Variants in CGRRF1 observed in about 807,000 individuals in gnomAD.
CGRRF1 encodes cell growth regulator with ring finger domain 1.
CGRRF1 carries 32 observed loss-of-function variants against 37.2 expected under a neutral mutation model. That is an observed-to-expected ratio of 0.86 (90% CI 0.65 to 1.16). The LOEUF (loss-of-function observed/expected upper bound fraction) is 1.16, where lower values mean the gene tolerates loss of function less well. Among genes scored for constraint, CGRRF1 ranks in the 50% most tolerant of loss-of-function variants. CGRRF1 has a pLI of 0.00. For missense variants in CGRRF1, 391 were observed against 382.6 expected, an observed-to-expected ratio of 1.02 and a Z score of -0.18; for synonymous variants, 141 against 140.3, an observed-to-expected ratio of 1.00 and a Z score of -0.04.
At chr14:54,530,250 A>G in intron 3 of CGRRF1, 24 bp downstream of exon 3, 1 of 1,543,710 alleles carries the variant, frequency 6.5e-7, no homozygotes. Context: ...TGATATACCC[A>G]TTAGCACTGA....
intron 2 of CGRRF1, among the ~76,000 whole-genome samples, chr14:54,524,143 C>T (rs1028871694): frequency 2.6e-5 from 4 of 152,138 alleles, no homozygotes; most frequent in African/African-American, 9.7e-5. Context: ...GCACTTTTGA[C>T]CCCCAGCAGT....
At chr14:54,525,724 C>A (rs1168385293) in intron 2 of CGRRF1, among the ~76,000 whole-genome samples, 1 of 152,086 alleles carries the variant, frequency 6.6e-6, no homozygotes, top group Non-Finnish European at 1.5e-5. Flanking sequence ...GTTTAAAAAT[C>A]TTTTTTTCAC....
At chr14:54,527,167 G>A (rs1169025784) in intron 2 of CGRRF1, among the ~76,000 whole-genome samples, 1 of 151,878 alleles carries the variant, frequency 6.6e-6, no homozygotes, top group Non-Finnish European at 1.5e-5. Flanking sequence ...TGTCATGTGT[G>A]TACTGAGTTT....
At chr14:54,513,483 T>C (rs1197313237) in intron 1 of CGRRF1, among the ~76,000 whole-genome samples, 1 of 152,222 alleles carries the variant, frequency 6.6e-6, no homozygotes, top group African/African-American at 2.4e-5. Context: ...CGGTCAAGTC[T>C]TAGAGAATCA....
At chr14:54,533,006 A>G (rs1049714460) in intron 4 of CGRRF1, among the ~76,000 whole-genome samples, 3 of 151,854 alleles carry the variant, frequency 2.0e-5, no homozygotes, top group Non-Finnish European at 4.4e-5. Flanking sequence ...GTTCAGCACA[A>G]AAGGATCAGA....
At chr14:54,524,406 G>T (rs2032376859) in intron 2 of CGRRF1, among the ~76,000 whole-genome samples, 1 of 144,100 alleles carries the variant, frequency 6.9e-6, no homozygotes. Flanking sequence ...TTTTTTTCGA[G>T]ACAGGCTCTT....
chr14:54,533,692 C>T (rs923390503), intron 4 of CGRRF1, among the ~76,000 whole-genome samples: 2 of 151,338 alleles, frequency 1.3e-5, no homozygotes, highest in Admixed American at 1.3e-4. Flanking sequence ...TTAGGTAGTA[C>T]AGTTAGGAAC....
intron 1 of CGRRF1, among the ~76,000 whole-genome samples, chr14:54,521,597 C>T (rs528289751): frequency 1.5e-4 from 23 of 151,842 alleles, no homozygotes; most frequent in African/African-American, 4.3e-4. Context: ...CTCTGCCTTC[C>T]GGGTTCAAGC....
chr14:54,531,179 A>G (rs2032509452), intron 4 of CGRRF1, 129 bp downstream of exon 4: 2 of 715,464 alleles, frequency 2.8e-6, no homozygotes, highest in South Asian at 4.1e-5. Flanking sequence ...ACAACTATAT[A>G]CCTATTTGGT....
At chr14:54,533,687 TA>T (rs2140066507) in intron 4 of CGRRF1, among the ~76,000 whole-genome samples, 1 of 152,166 alleles carries the variant, frequency 6.6e-6, no homozygotes, top group South Asian at 2.1e-4. Flanking sequence ...TATATTTAGG[TA>T]GTACAGTTAG....
At chr14:54,521,980 C>G (rs1221649063) in intron 1 of CGRRF1, among the ~76,000 whole-genome samples, 2 of 152,140 alleles carry the variant, frequency 1.3e-5, no homozygotes, top group Non-Finnish European at 2.9e-5. Context: ...GTTGATTCAG[C>G]CAGCTGAACA....
chr14:54,535,422 T>A (rs1176563594), intron 4 of CGRRF1, among the ~76,000 whole-genome samples: 2 of 151,090 alleles, frequency 1.3e-5, no homozygotes, highest in African/African-American at 4.9e-5. Context: ...ATTCTCATTT[T>A]GTTTGTCTGA....
chr14:54,513,340 C>T (rs984826057), intron 1 of CGRRF1, among the ~76,000 whole-genome samples: 1 of 152,172 alleles, frequency 6.6e-6, no homozygotes, highest in Non-Finnish European at 1.5e-5. Flanking sequence ...GTGGCTAAAG[C>T]GCTTGACTGT....
chr14:54,538,036 C>A, intron 5 of CGRRF1, 27 bp from the exon 6 acceptor site: 1 of 1,526,442 alleles, frequency 6.6e-7, no homozygotes, highest in Non-Finnish European at 8.8e-7. Flanking sequence ...TTATAATAAT[C>A]TTTAAATTTA....
At chr14:54,527,819 T>C (rs2032439922) in intron 2 of CGRRF1, among the ~76,000 whole-genome samples, 1 of 151,888 alleles carries the variant, frequency 6.6e-6, no homozygotes, top group Non-Finnish European at 1.5e-5. Context: ...AATGTAGTGG[T>C]GTGATCATGG....
chr14:54,510,104 C>T (rs375682131), intron 1 of CGRRF1, 41 bp downstream of exon 1: 14 of 1,473,504 alleles, frequency 9.5e-6, no homozygotes, highest in Non-Finnish European at 1.2e-5. Flanking sequence ...GCGGATACCG[C>T]CAGAGTGGGG....
At chr14:54,521,329 C>T (rs1221287043) in intron 1 of CGRRF1, among the ~76,000 whole-genome samples, 5 of 151,544 alleles carry the variant, frequency 3.3e-5, no homozygotes, top group African/African-American at 1.2e-4. Flanking sequence ...GGCATGGTGG[C>T]ACATGCCTGT....
chr14:54,526,691 G>A (rs374069569), intron 2 of CGRRF1, among the ~76,000 whole-genome samples: 1 of 152,208 alleles, frequency 6.6e-6, no homozygotes, highest in East Asian at 1.9e-4. Context: ...TCTGCTTTTT[G>A]TAAATAGCTT....
Position 54,530,903 on chromosome 14 carries a change from T to C in CGRRF1, c.423T>C (p.Phe141=), listed in dbSNP as rs780912699. The C allele has an allele frequency of 1.3e-6, 2 of 1,581,532 alleles. No homozygotes were observed. The highest frequency in any genetic ancestry group is 1.7e-6 in the Non-Finnish European group (2 of 1,153,810). Residue 141 remains phenylalanine (F), a splice_region_variant and synonymous_variant, in exon 4 of 6, where the codon TTT becomes TTC. Coordinates refer to ENST00000216420, the MANE Select transcript of CGRRF1 (RefSeq NM_006568.3). ...YSEYLYQEQY[F]IKKDSKEEIY... Reference sequence around the variant, plus strand: ...AATTTACCTTTACATTTTCAAAAAGTATTAAAAAGGATAGCAAAGAAGAAA... The same window carrying C: ...AATTTACCTTTACATTTTCAAAAAGCATTAAAAAGGATAGCAAAGAAGAAA...
Sources: gnomAD v4.1 joint callset for allele counts (sites outside exome capture counted in the v4.1 genomes callset) on GRCh38, gnomAD v4.1.1 for gene constraint, MANE v1.5 for transcripts, NCBI Gene and HGNC (gene_info 2026-07-23, HGNC 2026-07-21) for gene names.